MEFV: variants seen among roughly 807,000 people sequenced by gnomAD.
MEFV encodes the protein MEFV innate immunity regulator, pyrin, also known as pyrin.
Under a neutral mutation model 62.5 loss-of-function variants are expected in MEFV, and 60 were observed. That is an observed-to-expected ratio of 0.96 (90% CI 0.78 to 1.19). The LOEUF (loss-of-function observed/expected upper bound fraction) is 1.19, where lower values mean the gene tolerates loss of function less well. Among genes scored for constraint, MEFV ranks in the 50% most tolerant of loss-of-function variants. MEFV has a pLI of 0.00. For synonymous variants in MEFV, 500 were observed against 415.2 expected (o/e 1.20, Z -2.48); for missense variants, 1,169 against 1,004.5 (o/e 1.16, Z -2.21).
Position 3,247,040 on chromosome 16 carries a change from G to C in MEFV, c.1563C>G (p.Cys521Trp), listed in dbSNP as rs377541032. The change falls in exon 5 of 10, where the codon TGC (cysteine) becomes TGG (tryptophan). Residue 521 changes from cysteine to tryptophan, a missense_variant. Coordinates refer to ENST00000219596, the MANE Select transcript of MEFV (RefSeq NM_000243.3). ...ALIGELEAKE[C>W]QSEWELLQDI... ...CCTGCAGAAGTTCCCATTCTGACTG[G>C]CACTCCTTGGCCTCCAGTTCCCCAA... 6 of 1,614,212 alleles carry C rather than the reference G, an allele frequency of 3.7e-6. No homozygotes were observed. In the South Asian group the frequency reaches 6.6e-5, roughly 18 times the overall value.
chr16:3,244,722 C>T, intron 6 of MEFV, 134 bp from the exon 7 acceptor site: 1 of 745,286 alleles, frequency 1.3e-6, no homozygotes, highest in Admixed American at 2.0e-5. Flanking sequence ...AAAGTCTTCC[C>T]TGGATTCAGA....
At chr16:3,250,470 G>A (rs1175398138) in intron 2 of MEFV, among the ~76,000 whole-genome samples, 2 of 152,100 alleles carry the variant, frequency 1.3e-5, no homozygotes, top group Non-Finnish European at 2.9e-5. Context: ...TTAGCCAGGT[G>A]TGGTGGTGCA....
chr16:3,249,076 G>C (rs1329975184), intron 3 of MEFV, 72 bp from the exon 4 acceptor site: 1 of 1,434,080 alleles, frequency 7.0e-7, no homozygotes, highest in East Asian at 2.3e-5. Context: ...AACTCTGGAG[G>C]GGAACATCTC....
chr16:3,250,432 G>A (rs918491107), intron 2 of MEFV, among the ~76,000 whole-genome samples: 1 of 151,786 alleles, frequency 6.6e-6, no homozygotes, highest in Non-Finnish European at 1.5e-5. Flanking sequence ...AACATGGCAA[G>A]AGCCCACCTC....
At chr16:3,250,853 G>C (rs1003659192) in intron 2 of MEFV, among the ~76,000 whole-genome samples, 1 of 151,226 alleles carries the variant, frequency 6.6e-6, no homozygotes, top group Non-Finnish European at 1.5e-5. Context: ...GTGAAACCCT[G>C]TCTCTACTAA....
At chr16:3,256,256 C>G (rs1323613806) in intron 1 of MEFV, 55 bp downstream of exon 1, 1 of 1,592,412 alleles carries the variant, frequency 6.3e-7, no homozygotes, top group Non-Finnish European at 8.6e-7. Flanking sequence ...GTCCCCTTTC[C>G]CACAAAGCAG....
At chr16:3,250,917 G>A (rs375754335) in intron 2 of MEFV, among the ~76,000 whole-genome samples, 1 of 150,794 alleles carries the variant, frequency 6.6e-6, no homozygotes, top group African/African-American at 2.4e-5. Context: ...CCAGCTACTC[G>A]GGAGGCTGAG....
intron 3 of MEFV, 77 bp downstream of exon 3, chr16:3,249,354 G>A (rs777982282): frequency 4.4e-6 from 6 of 1,352,690 alleles, no homozygotes; most frequent in Non-Finnish European, 6.3e-6. Flanking sequence ...ACAACCCAGA[G>A]TTGTTGGGAA....
chr16:3,250,932 G>A (rs989834879), intron 2 of MEFV, among the ~76,000 whole-genome samples: 25 of 148,416 alleles, frequency 1.7e-4, no homozygotes, highest in African/African-American at 5.8e-4. Flanking sequence ...GCTGAGGCAG[G>A]AGAATTGCTT....
chr16:3,246,176 C>T (rs1958940107), intron 6 of MEFV, among the ~76,000 whole-genome samples: 1 of 152,206 alleles, frequency 6.6e-6, no homozygotes, highest in African/African-American at 2.4e-5. Context: ...TCCAAACAAG[C>T]TTCCCAAGGC....
rs224207 is a variant in MEFV, at chr16:3,247,175, T to C, written c.1428A>G (p.Gln476=). ...LEQVYYFLEQ[Q]EHFFVASLED... The stretch of plus-strand genomic sequence containing the variant: ...CCAGTGAGGCCACAAAGAAATGCTC[T>C]TGCTGCTCCAGGAAGTAGTACACCT... The change falls in exon 5 of 10, where the codon CAA becomes CAG. Residue 476 remains glutamine, a synonymous_variant. Transcript: ENST00000219596. 0.57 allele frequency: 914,332 copies of C among 1,613,124 alleles called. 262,292 individuals carry two copies. Among genetic ancestry groups the C allele is most frequent in the South Asian group, 0.71 (65,055 of 91,064 alleles).
chr16:3,244,589 C>G lies in MEFV; in HGVS notation c.1611-1G>C, dbSNP rs773992396. On this transcript the variant is annotated splice_acceptor_variant, in intron 6 of 9. Coordinates refer to ENST00000219596, the MANE Select transcript of MEFV (RefSeq NM_000243.3). LOFTEE classifies it high-confidence loss of function. ...TTCAGGGACAGGCACTGTCTTAGCCCTAGAGACAAAAGACTGTTGACCAGA... is the reference window on the plus strand; with the variant it reads ...TTCAGGGACAGGCACTGTCTTAGCCGTAGAGACAAAAGACTGTTGACCAGA... 1.2e-6 allele frequency: 2 copies of G among 1,612,472 alleles called. No individual in the cohort carries two copies. The highest frequency in any genetic ancestry group is 1.7e-6 in the Non-Finnish European group (2 of 1,178,798).
In MEFV at chr16:3,251,025, A is replaced by G. The variant is rs1378936028; in HGVS notation, c.911-1245T>C. 1.3e-4 allele frequency among the ~76,000 whole-genome samples: 15 copies of G among 111,652 alleles called. No individual in the cohort carries two copies. The East Asian group carries it at 3.4e-3, about 26-fold the overall frequency. The allele number at this position is 111,652 out of a possible 152,430, so 73.2% of individuals were successfully genotyped here. A position where few individuals can be genotyped will look rare whatever the true frequency, so the allele number is the denominator to read the frequency against. On this transcript the variant is annotated intron_variant, in intron 2 of 9. Coordinates refer to ENST00000219596, the MANE Select transcript of MEFV (RefSeq NM_000243.3). ...GGTGACCAAGAGAGACTCCATCTCA[A>G]AAAAAAAAAAAAAAAAAAAAAGAAA...
rs1959114665 is a variant in MEFV at position 3,256,345 on chromosome 16, C to A, written c.243G>T (p.Leu81=). Reference sequence around the variant, plus strand: ...CTGCCCTGTGGAGCTCCTCGGCCAGCAGGCGCTGGTTGATGGCCCGCAGGA... The same window carrying A: ...CTGCCCTGTGGAGCTCCTCGGCCAGAAGGCGCTGGTTGATGGCCCGCAGGA... ...LQVLRAINQR[L]LAEELHRAAI... The change falls in exon 1 of 10, where the codon CTG becomes CTT. Residue 81 remains leucine (L), a synonymous_variant. Coordinates refer to ENST00000219596, the MANE Select transcript of MEFV (RefSeq NM_000243.3). 2.0e-5 allele frequency: 33 copies of A among 1,613,834 alleles called. No homozygotes were observed. Among genetic ancestry groups the A allele is most frequent in the Non-Finnish European group, 2.8e-5 (33 of 1,180,016 alleles).
chr16:3,246,083 A>C (rs11466037), intron 6 of MEFV, among the ~76,000 whole-genome samples: 1,526 of 152,252 alleles, frequency 0.01, 17 homozygotes, highest in African/African-American at 0.034. Flanking sequence ...GGATTTTGTA[A>C]AGCTCCCAGG....
At chr16:3,253,024 C>T (rs1450293286) in intron 2 of MEFV, among the ~76,000 whole-genome samples, 1 of 150,770 alleles carries the variant, frequency 6.6e-6, no homozygotes, top group East Asian at 1.9e-4. Context: ...GAATTGTCAC[C>T]TGGATAGCCT....
chr16:3,246,267 T>A (rs998783846), intron 6 of MEFV: 3 of 554,956 alleles, frequency 5.4e-6, no homozygotes, highest in African/African-American at 3.8e-5. Flanking sequence ...TTAGGGAGCC[T>A]CCATCTTGTT....
chr16:3,250,907 C>T lies in MEFV; in HGVS notation c.911-1127G>A, dbSNP rs142742659. The stretch of plus-strand genomic sequence containing the variant: ...GACGTGGTGGTGGGCACCTGTAATC[C>T]CAGCTACTCGGGAGGCTGAGGCAGG... On this transcript the variant is annotated intron_variant, in intron 2 of 9. Transcript: ENST00000219596. 5.5e-3 allele frequency among the ~76,000 whole-genome samples: 836 copies of T among 151,232 alleles called. 14 individuals carry two copies. Among genetic ancestry groups the T allele is most frequent in the African/African-American group, 0.019 (785 of 41,128 alleles).
At chr16:3,245,239 G>A (rs1958922861) in intron 6 of MEFV, among the ~76,000 whole-genome samples, 1 of 151,526 alleles carries the variant, frequency 6.6e-6, no homozygotes, top group Non-Finnish European at 1.5e-5. Flanking sequence ...AGTGAGCTGT[G>A]ACTGTGCCAC....
Sources: gnomAD v4.1 joint callset for allele counts (sites outside exome capture counted in the v4.1 genomes callset) on GRCh38, gnomAD v4.1.1 for gene constraint, MANE v1.5 for transcripts, NCBI Gene and HGNC (gene_info 2026-07-23, HGNC 2026-07-21) for gene names.